The following AADACL2 variants were observed in gnomAD, a reference collection of about 807,000 sequenced individuals.
The protein encoded by AADACL2 is arylacetamide deacetylase like 2.
A neutral mutation model predicts 22.3 loss-of-function variants in AADACL2; 23 were observed. The ratio of observed to expected loss-of-function variants is 1.03; its 90% CI spans 0.74 to 1.46. The LOEUF is 1.46. Among genes scored for constraint, AADACL2 ranks in the 40% most tolerant of loss-of-function variants. The pLI, the probability that AADACL2 is intolerant of heterozygous loss-of-function variation, is 0.00. For synonymous variants in AADACL2, 177 were observed against 166.2 expected, an observed-to-expected ratio of 1.07 and a Z score of -0.50; for missense variants, 472 against 482.9, an observed-to-expected ratio of 0.98 and a Z score of 0.21.
intron 4 of AADACL2, among the ~76,000 whole-genome samples, chr3:151,745,918 T>TA (rs954844261): frequency 2.6e-5 from 4 of 151,658 alleles, no homozygotes; most frequent in East Asian, 1.9e-4. Flanking sequence ...TGTTCTTCTT[T>TA]AAAAAAAAAT....
At chr3:151,751,799 T>C (rs946106979) in intron 4 of AADACL2, among the ~76,000 whole-genome samples, 6 of 152,186 alleles carry the variant, frequency 3.9e-5, no homozygotes, top group African/African-American at 1.4e-4. Context: ...CAATACTTAA[T>C]AACACAGGCA....
chr3:151,752,179 T>G (rs568317590), intron 4 of AADACL2, among the ~76,000 whole-genome samples: 4 of 152,336 alleles, frequency 2.6e-5, no homozygotes, highest in Admixed American at 2.6e-4. Context: ...TACTTTGAAA[T>G]TATTATAGAG....
In AADACL2 at chr3:151,740,759, A is replaced by C. The variant is rs113023769; in HGVS notation, c.252A>C (p.Thr84=). Residue 84 remains threonine (T), a synonymous_variant, in exon 2 of 5, where the codon ACA becomes ACC. Transcript: ENST00000356517. ...LSDEYITVTD[T]TFVDIPVRLY... ...ATGAATACATCACAGTGACTGATACAACATTTGTTGACATTCCAGTACGAT... is the reference window on the plus strand; with the variant it reads ...ATGAATACATCACAGTGACTGATACCACATTTGTTGACATTCCAGTACGAT... 6.2e-7 allele frequency: 1 copy of C among 1,614,016 alleles called. No homozygotes were observed. Among genetic ancestry groups the C allele is most frequent in the Non-Finnish European group, 8.5e-7 (1 of 1,179,930 alleles).
Position 151,757,686 on chromosome 3 carries a change from T to C in AADACL2, c.*92T>C. 1 of 1,432,424 alleles carries C rather than the reference T, an allele frequency of 7.0e-7. No individual in the cohort carries two copies. The highest frequency in any genetic ancestry group is 9.4e-7 in the Non-Finnish European group (1 of 1,067,654). 88.7% of individuals were successfully genotyped at this position (1,432,424 alleles called of 1,614,324 possible). ...GCAAAGAACAATGTCATTTGAGTTA[T>C]CTAAATCTACATTTGCAACATTTGT... On this transcript the variant is annotated 3_prime_UTR_variant, in exon 5 of 5. Transcript: ENST00000356517.
In AADACL2 at chr3:151,737,750, A is replaced by T. The variant is rs969262798; in HGVS notation, c.139-2896A>T. Among the ~76,000 whole-genome samples the T allele has an allele frequency of 2.0e-5, 3 of 151,936 alleles. No individual in the cohort carries two copies. In the East Asian group the frequency reaches 5.8e-4, roughly 29 times the overall value. On this transcript the variant is annotated intron_variant, in intron 1 of 4. Transcript: ENST00000356517. ...TTGTCTTTGATCTTTGTTGGTATAA[A>T]GTCTGTTTTATCAGAGACTAGATTT...
intron 1 of AADACL2, 95 bp downstream of exon 1, chr3:151,734,268 C>A: frequency 3.9e-6 from 5 of 1,270,532 alleles, no homozygotes; most frequent in Non-Finnish European, 5.3e-6. Context: ...GTATTAATAT[C>A]ACCATTTTGA....
At position 151,759,832 on chromosome 3, in the gene AADACL2, A is replaced by G. The variant is rs78681328; in HGVS notation, c.*2238A>G. The G allele has an allele frequency of 0.041, 6,317 of 152,228 alleles. 438 individuals are homozygous for G. The highest frequency in any genetic ancestry group is 0.14 in the African/African-American group (5,925 of 41,498). 9.4% of individuals were successfully genotyped at this position (152,228 alleles called of 1,614,324 possible). Reference sequence around the variant, plus strand: ...TCATTTCACTGGGTCTTACTTTCAAAGTTTGTTCCATTTTGTGTGGTGGCA... The same window carrying G: ...TCATTTCACTGGGTCTTACTTTCAAGGTTTGTTCCATTTTGTGTGGTGGCA... On this transcript the variant is annotated 3_prime_UTR_variant, in exon 5 of 5. Transcript: ENST00000356517.
In AADACL2 at chr3:151,745,578, T is replaced by C. The variant is rs945745607; in HGVS notation, c.501T>C (p.Phe167=). ...FEDGLAAVKF[F]LLEKILTKYG... ...ATGGCCTTGCTGCAGTCAAATTTTTTCTTTTGGAAAAAATTCTTACAAAAT... is the reference window on the plus strand; with the variant it reads ...ATGGCCTTGCTGCAGTCAAATTTTTCCTTTTGGAAAAAATTCTTACAAAAT... Residue 167 remains phenylalanine (F), a synonymous_variant, in exon 4 of 5, where the codon TTT becomes TTC. Transcript: ENST00000356517. 4.3e-6 allele frequency: 7 copies of C among 1,613,814 alleles called. No homozygotes were observed. In the African/African-American group the frequency reaches 9.3e-5, roughly 22 times the overall value.
chr3:151,742,722 T>C lies in AADACL2; in HGVS notation c.362-1371T>C, dbSNP rs77499257. Among the ~76,000 whole-genome samples the C allele has an allele frequency of 2.0e-5, 3 of 152,296 alleles. No individual in the cohort carries two copies. In the East Asian group the frequency reaches 5.8e-4, roughly 29 times the overall value. ...TCCTGTTTGCGCCCCTGAGCTAAGATGTTTCCAAGCTGAAACACCCTGATT... is the reference window on the plus strand; with the variant it reads ...TCCTGTTTGCGCCCCTGAGCTAAGACGTTTCCAAGCTGAAACACCCTGATT... On this transcript the variant is annotated intron_variant, in intron 2 of 4. Coordinates refer to ENST00000356517, the MANE Select transcript of AADACL2 (RefSeq NM_207365.4).
At chr3:151,749,732 C>T (rs1713592818) in intron 4 of AADACL2, among the ~76,000 whole-genome samples, 1 of 152,194 alleles carries the variant, frequency 6.6e-6, no homozygotes, top group South Asian at 2.1e-4. Context: ...CTGCCAGCCT[C>T]AGCCTCCCAA....
intron 2 of AADACL2, among the ~76,000 whole-genome samples, chr3:151,743,158 A>G (rs1246868578): frequency 6.6e-6 from 1 of 151,996 alleles, no homozygotes; most frequent in Non-Finnish European, 1.5e-5. Context: ...TCTTTAATAA[A>G]ACATTATTTT....
Position 151,734,001 on chromosome 3 carries a change from C to G in AADACL2, c.-35C>G, listed in dbSNP as rs537609464. 1 of 1,563,742 alleles carries G rather than the reference C, an allele frequency of 6.4e-7. No homozygotes were observed. The highest frequency in any genetic ancestry group is 1.4e-5 in the African/African-American group (1 of 73,226). On this transcript the variant is annotated 5_prime_UTR_variant, in exon 1 of 5. The change creates a new upstream start codon in the 5' untranslated region. Transcript: ENST00000356517. ...TTCAGTGTTTGTGAAAAATTTTAAT[C>G]TCAGTACTGTGAAGAAGCTGGAAAA... is the stretch of plus-strand genomic sequence containing the variant.
In AADACL2 at chr3:151,740,699, G is replaced by T; in HGVS notation, c.192G>T (p.Met64Ile). 1 of 1,613,812 alleles carries T rather than the reference G, an allele frequency of 6.2e-7. No homozygotes were observed. Among genetic ancestry groups the T allele is most frequent in the Non-Finnish European group, 8.5e-7 (1 of 1,179,854 alleles). The change falls in exon 2 of 5, where the codon ATG becomes ATT. Residue 64 changes from methionine to isoleucine, a missense_variant. This residue lies in a region of AADACL2 where 356 missense variants were observed against 365.5 expected (regional missense o/e 0.97). Coordinates refer to ENST00000356517, the MANE Select transcript of AADACL2 (RefSeq NM_207365.4). ...TGAGATATGAAGAGTTTATATCCAT[G>T]ATATTCAGGCTGGATTATACCCAAC... The part of the protein sequence containing the change: ...RIMRYEEFIS[M>I]IFRLDYTQPL...
Position 151,737,610 on chromosome 3 carries a change from G to C in AADACL2, c.139-3036G>C, listed in dbSNP as rs866153058. ...TGTGGGAGTCTAAGTCTCTTTGAAG[G>C]TCTCTAAGAACTTGTTTTATGAAAC... is the stretch of plus-strand genomic sequence containing the variant. On this transcript the variant is annotated intron_variant, in intron 1 of 4. Coordinates refer to ENST00000356517, the MANE Select transcript of AADACL2 (RefSeq NM_207365.4). Among the ~76,000 whole-genome samples, 9 of 152,192 alleles carry C rather than the reference G, an allele frequency of 5.9e-5. No individual in the cohort carries two copies. In the South Asian group the frequency reaches 1.7e-3, roughly 28 times the overall value.
chr3:151,734,713 G>T (rs958266640), intron 1 of AADACL2, among the ~76,000 whole-genome samples: 6 of 152,138 alleles, frequency 3.9e-5, no homozygotes, highest in Non-Finnish European at 2.9e-5. Context: ...AAAAGGGAGA[G>T]ATAGGGTTAG....
Position 151,734,110 on chromosome 3 carries a change from C to A in AADACL2, c.75C>A (p.Asp25Glu), listed in dbSNP as rs777570196. The A allele has an allele frequency of 8.1e-6, 13 of 1,613,462 alleles. No individual in the cohort carries two copies. The highest frequency in any genetic ancestry group is 1.7e-5 in the Admixed American group (1 of 59,882). The part of the protein sequence containing the change: ...FVSHFYTPMP[D>E]NIEESWKIMA... ...CTCATTTTTACACACCCATGCCAGA[C>A]AACATTGAAGAAAGCTGGAAAATAA... The change falls in exon 1 of 5, where the codon GAC (aspartate) becomes GAA (glutamate). Residue 25 changes from aspartate to glutamate, a missense_variant. Transcript: ENST00000356517.
At position 151,748,915 on chromosome 3, in the gene AADACL2, T is replaced by C. The variant is rs112231970; in HGVS notation, c.603+3235T>C. Among the ~76,000 whole-genome samples the C allele has an allele frequency of 3.2e-3, 488 of 152,374 alleles. 1 individual carries two copies. The highest frequency in any genetic ancestry group is 5.7e-3 in the Non-Finnish European group (387 of 68,028). On this transcript the variant is annotated intron_variant, in intron 4 of 4. Coordinates refer to ENST00000356517, the MANE Select transcript of AADACL2 (RefSeq NM_207365.4). ...TTCCATTGGTCTATATGTTTGTTTATATGCCAGTACCATACTGTTTTGATT... is the reference window on the plus strand; with the variant it reads ...TTCCATTGGTCTATATGTTTGTTTACATGCCAGTACCATACTGTTTTGATT...
At position 151,740,805 on chromosome 3, in the gene AADACL2, T is replaced by C. The variant is rs369876805; in HGVS notation, c.298T>C (p.Ser100Pro). The change falls in exon 2 of 5, where the codon TCA (serine) becomes CCA (proline). Residue 100 changes from serine to proline, a missense_variant. By Grantham distance (74) the Ser-to-Pro change is moderately conservative. Around this residue, in one of 3 missense-constraint regions of AADACL2, gnomAD observed 356 missense variants for 365.5 expected, o/e 0.97. Transcript: ENST00000356517. ...ACGATTGTACTTGCCAAAAAGAAAGTCAGAAACCCGAAGGCGAGCTGTGAT... is the reference window on the plus strand; with the variant it reads ...ACGATTGTACTTGCCAAAAAGAAAGCCAGAAACCCGAAGGCGAGCTGTGAT... The part of the protein sequence containing the change: ...PVRLYLPKRK[S>P]ETRRRAVIYF... 3.5e-5 allele frequency: 57 copies of C among 1,613,942 alleles called. No homozygotes were observed. Among genetic ancestry groups the C allele is most frequent in the Non-Finnish European group, 4.7e-5 (56 of 1,179,970 alleles).
Position 151,745,483 on chromosome 3 carries a change from A to C in AADACL2, c.432-26A>C, listed in dbSNP as rs755859095. Reference sequence around the variant, plus strand: ...AATTAGATGGACAGATACAACCATAAATGCTTTATTATTCTTTCTTTAAAG... The same window carrying C: ...AATTAGATGGACAGATACAACCATACATGCTTTATTATTCTTTCTTTAAAG... On this transcript the variant is annotated intron_variant, in intron 3 of 4. Transcript: ENST00000356517. 3.1e-6 allele frequency: 5 copies of C among 1,599,850 alleles called. No homozygotes were observed. In the Admixed American group the frequency reaches 8.7e-5, roughly 28 times the overall value.
Sources: gnomAD v4.1 joint callset for allele counts (sites outside exome capture counted in the v4.1 genomes callset) on GRCh38, gnomAD v4.1.1 for gene constraint, gnomAD v4.1.1 regional missense constraint, MANE v1.5 for transcripts, NCBI Gene and HGNC (gene_info 2026-07-23, HGNC 2026-07-21) for gene names.